DMD: variants seen among roughly 807,000 people sequenced by gnomAD.
DMD encodes dystrophin.
Under a neutral mutation model 330.1 loss-of-function variants are expected in DMD, and 63 were observed. The observed-to-expected ratio is 0.19, with a 90% CI of 0.16 to 0.24. DMD has a LOEUF of 0.24. Among genes scored for constraint, DMD ranks in the 10% least tolerant of loss-of-function variants. The pLI, the probability that DMD is intolerant of heterozygous loss-of-function variation, is 1.00. For missense variants in DMD, 3,344 were observed against 2,684.1 expected (o/e 1.25, Z -5.43); for synonymous variants, 1,223 against 959.8 (o/e 1.27, Z -5.07).
intron 9 of DMD, among the ~76,000 whole-genome samples, chrX:32,679,909 T>G (rs1231734931): frequency 1.5e-5 from 1 of 65,310 alleles, no homozygotes; most frequent in African/African-American, 6.9e-5. Context: ...GTACTTTTTT[T>G]TTTTTTTTTT....
chrX:32,686,578 A>AAAAAAAAAAAAG (rs1556919375), intron 9 of DMD, among the ~76,000 whole-genome samples: 1 of 105,636 alleles, frequency 9.5e-6, no homozygotes, highest in African/African-American at 3.5e-5. Flanking sequence ...AAAAAAAAAA[A>AAAAAAAAAAAAG]AAAAGAAAAG....
At chrX:32,109,233 C>A (rs2096578175) in intron 44 of DMD, among the ~76,000 whole-genome samples, 1 of 110,973 alleles carries the variant, frequency 9.0e-6, no homozygotes, top group South Asian at 3.7e-4. Flanking sequence ...GAATCAACAG[C>A]TACAATACAA....
At chrX:32,221,993 C>G (rs1479067612) in intron 43 of DMD, among the ~76,000 whole-genome samples, 1 of 111,763 alleles carries the variant, frequency 8.9e-6, no homozygotes, top group Non-Finnish European at 1.9e-5. Flanking sequence ...CATTGGTCGG[C>G]TGGCACTTAG....
chrX:31,634,298 C>T (rs953999460), intron 54 of DMD, among the ~76,000 whole-genome samples: 1 of 111,814 alleles, frequency 8.9e-6, no homozygotes, highest in Non-Finnish European at 1.9e-5. Flanking sequence ...CATCCCCTCT[C>T]TCTTGAGGTC....
intron 55 of DMD, among the ~76,000 whole-genome samples, chrX:31,591,458 T>C (rs1229375187): frequency 8.9e-6 from 1 of 111,767 alleles, no homozygotes; most frequent in East Asian, 2.8e-4. Context: ...TCTGGTTTAG[T>C]TTAACAAATC....
intron 60 of DMD, among the ~76,000 whole-genome samples, chrX:31,377,944 A>G (rs182209342): frequency 1.8e-5 from 2 of 110,805 alleles, no homozygotes; most frequent in African/African-American, 3.3e-5. Flanking sequence ...TCCTGGCTCA[A>G]AAAGCTTCCC....
intron 44 of DMD, among the ~76,000 whole-genome samples, chrX:32,155,973 A>AACACACACACACAC (rs60347530): frequency 1.0e-4 from 10 of 95,767 alleles, no homozygotes; most frequent in South Asian, 5.8e-4. Flanking sequence ...TTTGTCATTC[A>AACACACACACACAC]ACACACACAC....
At chrX:31,154,269 A>C (rs1051804120) in intron 74 of DMD, among the ~76,000 whole-genome samples, 2 of 109,900 alleles carry the variant, frequency 1.8e-5, no homozygotes, top group African/African-American at 6.7e-5. Context: ...TTCCAAGGTA[A>C]GTTATTCTAA....
intron 77 of DMD, among the ~76,000 whole-genome samples, chrX:31,129,461 A>G (rs2034193830): frequency 8.9e-6 from 1 of 112,085 alleles, no homozygotes; most frequent in Non-Finnish European, 1.9e-5. Flanking sequence ...ATGAGTCAGA[A>G]TGGACAACGA....
chrX:31,944,524 C>T (rs1252122594), intron 45 of DMD, among the ~76,000 whole-genome samples: 16 of 105,676 alleles, frequency 1.5e-4, no homozygotes, highest in African/African-American at 5.6e-4. Flanking sequence ...TGTCGCCCGG[C>T]TGGAGTGCAG....
intron 61 of DMD, among the ~76,000 whole-genome samples, chrX:31,347,974 G>T (rs753787226): frequency 3.7e-4 from 41 of 111,980 alleles, no homozygotes; most frequent in Non-Finnish European, 6.2e-4. Context: ...GATTAGTGAT[G>T]TTGAGCATTT....
intron 62 of DMD, among the ~76,000 whole-genome samples, chrX:31,312,445 A>T (rs2055599112): frequency 8.9e-6 from 1 of 112,607 alleles, no homozygotes; most frequent in African/African-American, 3.2e-5. Context: ...ATTATTAAAA[A>T]GTCAGGAAAC....
At chrX:31,312,028 T>C (rs2055561423) in intron 62 of DMD, among the ~76,000 whole-genome samples, 1 of 111,840 alleles carries the variant, frequency 8.9e-6, no homozygotes, top group South Asian at 3.8e-4. Context: ...GGCAATACCA[T>C]TTAAGACATA....
At chrX:33,268,108 G>T (rs769979929) in intron 1 of DMD, among the ~76,000 whole-genome samples, 1 of 108,596 alleles carries the variant, frequency 9.2e-6, no homozygotes, top group African/African-American at 3.4e-5. Flanking sequence ...TCCTGCCTCA[G>T]CCTCCCAAGT....
At chrX:31,749,209 T>C (rs182764757) in intron 51 of DMD, among the ~76,000 whole-genome samples, 9,787 of 107,770 alleles carry the variant, frequency 0.091, 686 homozygotes, top group African/African-American at 0.22. Flanking sequence ...TAGTTACATA[T>C]GTATACATGT....
At chrX:32,577,633 A>G (rs1480860174) in intron 13 of DMD, among the ~76,000 whole-genome samples, 1 of 112,568 alleles carries the variant, frequency 8.9e-6, no homozygotes, top group East Asian at 2.8e-4. Context: ...TTCACTGTAG[A>G]AAGGCACCCA....
intron 44 of DMD, among the ~76,000 whole-genome samples, chrX:32,135,737 A>G (rs1256157153): frequency 8.9e-6 from 1 of 112,532 alleles, no homozygotes; most frequent in Non-Finnish European, 1.9e-5. Context: ...TGTGATCCAC[A>G]AAAAACAAAT....
In DMD at chrX:33,235,922, T is replaced by TATTATTATTA. The variant is rs1569559007; in HGVS notation, c.7+103336_7+103337insTAATAATAAT. ...TATTATTATTATTATTATTATTTTT[T>TATTATTATTA]TTTTTTTTTATGAGACGGAATCTGG... On this transcript the variant is annotated intron_variant, in intron 1 of 17. Coordinates refer to the DMD transcript ENST00000288447. Among the ~76,000 whole-genome samples, 367 of 104,882 alleles carry TATTATTATTA rather than the reference T, an allele frequency of 3.5e-3. 3 individuals carry two copies. The highest frequency in any genetic ancestry group is 0.012 in the African/African-American group (339 of 28,478). The allele number at this position is 104,882 out of a possible 115,157, so 91.1% of individuals were successfully genotyped here. A position where few individuals can be genotyped will look rare whatever the true frequency, so the allele number is the denominator to read the frequency against.
At chrX:31,720,353 T>G (rs1404941184) in intron 52 of DMD, among the ~76,000 whole-genome samples, 3 of 112,111 alleles carry the variant, frequency 2.7e-5, no homozygotes, top group Non-Finnish European at 5.6e-5. Context: ...GGCACGTGTT[T>G]AACCCTTGGC....
Sources: allele counts gnomAD v4.1 joint callset (sites outside exome capture counted in the v4.1 genomes callset), GRCh38; gene constraint gnomAD v4.1.1; transcripts MANE v1.5; gene names NCBI Gene and HGNC (gene_info 2026-07-23, HGNC 2026-07-21).